CFAP54: variants seen among roughly 807,000 people sequenced by gnomAD.
CFAP54 encodes the protein cilia- and flagella-associated protein 54.
CFAP54 carries 290 observed loss-of-function variants against 370.4 expected under a neutral mutation model. The observed-to-expected ratio is 0.78, with a 90% CI of 0.71 to 0.86. The LOEUF (loss-of-function observed/expected upper bound fraction) is 0.86, where lower values mean the gene tolerates loss of function less well. Ranked by LOEUF, CFAP54 falls within the 40% of genes least tolerant of loss-of-function variation. The pLI is 0.00. For missense variants in CFAP54, 3,399 were observed against 3,528.7 expected (o/e 0.96, Z 0.93); for synonymous variants, 1,206 against 1,236.5 (o/e 0.98, Z 0.52).
In CFAP54 at chr12:96,778,399, C is replaced by A. The variant is rs536468990; in HGVS notation, c.8282-6318C>A. On this transcript the variant is annotated intron_variant, in intron 60 of 67. Coordinates refer to ENST00000524981, the MANE Select transcript of CFAP54 (RefSeq NM_001306084.2). Reference sequence around the variant, plus strand: ...ACATATAGGTTTATAATTTTAAAATCTTTTTTCTTTAAACTATGAACAATT... The same window carrying A: ...ACATATAGGTTTATAATTTTAAAATATTTTTTCTTTAAACTATGAACAATT... 3.3e-5 allele frequency among the ~76,000 whole-genome samples: 5 copies of A among 152,224 alleles called. 1 individual carries two copies. Among genetic ancestry groups the A allele is most frequent in the African/African-American group, 9.6e-5 (4 of 41,556 alleles).
In CFAP54 at chr12:96,685,182, A is replaced by C; in HGVS notation, c.5958A>C (p.Ser1986=). The part of the protein sequence containing the change: ...GFKDYSEEFL[S]RVGIWGCLQG... ...AAGACTACAGTGAGGAGTTTCTGTCAAGAGTTGGCATCTGGGGGTGTTTGC... is the reference window on the plus strand; with the variant it reads ...AAGACTACAGTGAGGAGTTTCTGTCCAGAGTTGGCATCTGGGGGTGTTTGC... Residue 1986 remains serine (S), a synonymous_variant, in exon 42 of 68, where the codon TCA becomes TCC. Coordinates refer to ENST00000524981, the MANE Select transcript of CFAP54 (RefSeq NM_001306084.2). The C allele has an allele frequency of 6.2e-7, 1 of 1,614,130 alleles. No individual in the cohort carries two copies. The highest frequency in any genetic ancestry group is 8.5e-7 in the Non-Finnish European group (1 of 1,180,012).
At chr12:96,839,685 T>A (rs1959199627) in intron 66 of CFAP54, among the ~76,000 whole-genome samples, 1 of 152,258 alleles carries the variant, frequency 6.6e-6, no homozygotes, top group Non-Finnish European at 1.5e-5. Context: ...TGCTCCAAGA[T>A]ACCTGGGACA....
intron 17 of CFAP54, among the ~76,000 whole-genome samples, chr12:96,556,364 T>TTTATATAAATA (rs2136402746): frequency 6.6e-6 from 1 of 151,956 alleles, no homozygotes; most frequent in Non-Finnish European, 1.5e-5. Flanking sequence ...ACACCACACC[T>TTTATATAAATA]AGGAGAAATA....
intron 40 of CFAP54, among the ~76,000 whole-genome samples, chr12:96,683,992 A>G (rs759398641): frequency 2.6e-5 from 4 of 152,166 alleles, no homozygotes; most frequent in African/African-American, 4.8e-5. Context: ...GGGTTTCACC[A>G]TGTTGACCAG....
At position 96,522,093 on chromosome 12, in the gene CFAP54, A is replaced by C; in HGVS notation, c.1062A>C (p.Ala354=). The change falls in exon 8 of 68, where the codon GCA becomes GCC. Residue 354 remains alanine, a synonymous_variant. Transcript: ENST00000524981. ...AATTCTGCTTTTTGAGGCAGATGGCAGTGATGATCTTCAAAAGAGGAGTCT... is the reference window on the plus strand; with the variant it reads ...AATTCTGCTTTTTGAGGCAGATGGCCGTGATGATCTTCAAAAGAGGAGTCT... The part of the protein sequence containing the change: ...RYFREATMKM[A]VMIFKRGVFE... 4 of 1,535,214 alleles carry C rather than the reference A, an allele frequency of 2.6e-6. No individual in the cohort carries two copies. In the South Asian group the frequency reaches 4.8e-5, roughly 18 times the overall value.
At chr12:96,864,223 A>G (rs994870456) in intron 67 of CFAP54, among the ~76,000 whole-genome samples, 2 of 152,200 alleles carry the variant, frequency 1.3e-5, no homozygotes, top group African/African-American at 4.8e-5. Flanking sequence ...TAATTATAAC[A>G]GAGAATGACA....
At chr12:96,542,599 C>T (rs1454314948) in intron 14 of CFAP54, among the ~76,000 whole-genome samples, 2 of 152,296 alleles carry the variant, frequency 1.3e-5, no homozygotes, top group Admixed American at 6.5e-5. Flanking sequence ...ACGTTTCCCC[C>T]TCTCCGAGTA....
rs1955846427 is a variant in CFAP54, at chr12:96,564,546, G to A, written c.2489G>A (p.Cys830Tyr). The A allele has an allele frequency of 1.4e-6, 1 of 690,498 alleles. No homozygotes were observed. The highest frequency in any genetic ancestry group is 2.6e-6 in the Non-Finnish European group (1 of 380,242). The allele number at this position is 690,498 out of a possible 1,614,324, so 42.8% of individuals were successfully genotyped here. Residue 830 changes from cysteine (C) to tyrosine (Y), a missense_variant, in exon 18 of 68, where the codon TGT becomes TAT. Cys to Tyr is a radical substitution (Grantham distance 194, BLOSUM62 -2). Coordinates refer to ENST00000524981, the MANE Select transcript of CFAP54 (RefSeq NM_001306084.2). Reference sequence around the variant, plus strand: ...TTAAAACAATCTGGAAGCACTGATTGTTTTACAGGTAATTAAAATTGGGAT... The same window carrying A: ...TTAAAACAATCTGGAAGCACTGATTATTTTACAGGTAATTAAAATTGGGAT... ...EKLKQSGSTD[C>Y]FTELNIMNKI...
chr12:96,723,650 T>A (rs1442492709), intron 50 of CFAP54, among the ~76,000 whole-genome samples: 1 of 151,794 alleles, frequency 6.6e-6, no homozygotes, highest in African/African-American at 2.4e-5. Flanking sequence ...AGCCCACAAA[T>A]AAAGATGATT....
At chr12:96,527,110 TG>T in intron 8 of CFAP54, 135 bp from the exon 9 acceptor site, 1 of 637,250 alleles carries the variant, frequency 1.6e-6, no homozygotes, top group Non-Finnish European at 2.4e-6. Context: ...GTTGCCCAGG[TG>T]GTCTTGAACT....
intron 17 of CFAP54, among the ~76,000 whole-genome samples, chr12:96,562,000 G>A (rs1955821238): frequency 6.6e-6 from 1 of 151,926 alleles, no homozygotes; most frequent in African/African-American, 2.4e-5. Flanking sequence ...TGGCCAGGCT[G>A]GTTTTGAACT....
At chr12:96,659,753 TG>T (rs1176316592) in intron 38 of CFAP54, among the ~76,000 whole-genome samples, 1 of 152,172 alleles carries the variant, frequency 6.6e-6, no homozygotes, top group African/African-American at 2.4e-5. Context: ...AGTTGTACTG[TG>T]GGTGACCTGC....
chr12:96,857,012 C>G (rs914139541), intron 66 of CFAP54, among the ~76,000 whole-genome samples: 1 of 152,186 alleles, frequency 6.6e-6, no homozygotes, highest in Admixed American at 6.5e-5. Context: ...CGAGGGGAAG[C>G]AAACACATCC....
chr12:96,836,226 C>T (rs113121419), intron 66 of CFAP54, among the ~76,000 whole-genome samples: 5 of 152,232 alleles, frequency 3.3e-5, no homozygotes, highest in South Asian at 4.1e-4. Flanking sequence ...TGAAGTCAGG[C>T]AGCGGGCTGA....
chr12:96,795,040 G>A (rs892215853), intron 63 of CFAP54, among the ~76,000 whole-genome samples: 3 of 152,176 alleles, frequency 2.0e-5, no homozygotes, highest in South Asian at 2.1e-4. Flanking sequence ...CGAAGCTACC[G>A]GGCTCTGGGC....
intron 5 of CFAP54, among the ~76,000 whole-genome samples, chr12:96,516,680 TAAAG>T (rs1361578204): frequency 6.6e-6 from 1 of 152,208 alleles, no homozygotes; most frequent in Non-Finnish European, 1.5e-5. Context: ...CAGCAAACAT[TAAAG>T]AATACATCTA....
At chr12:96,740,426 C>T (rs1958038017) in intron 51 of CFAP54, among the ~76,000 whole-genome samples, 1 of 152,226 alleles carries the variant, frequency 6.6e-6, no homozygotes, top group Non-Finnish European at 1.5e-5. Context: ...ATTGCCTTAG[C>T]ATTGCCAGTC....
chr12:96,772,739 C>G (rs1172359445), intron 60 of CFAP54, among the ~76,000 whole-genome samples: 1 of 152,076 alleles, frequency 6.6e-6, no homozygotes, highest in African/African-American at 2.4e-5. Context: ...CCTGCCTCAG[C>G]CTTCTGAGTA....
At chr12:96,653,570 A>C (rs1592713) in intron 36 of CFAP54, among the ~76,000 whole-genome samples, 1 of 151,948 alleles carries the variant, frequency 6.6e-6, no homozygotes, top group East Asian at 1.9e-4. Context: ...GAATATTTGA[A>C]ACTAATAATA....
Sources: allele counts gnomAD v4.1 joint callset (sites outside exome capture counted in the v4.1 genomes callset), GRCh38; gene constraint gnomAD v4.1.1; transcripts MANE v1.5; gene names NCBI Gene and HGNC (gene_info 2026-07-23, HGNC 2026-07-21).